SLC7A2: variants seen among roughly 807,000 people sequenced by gnomAD.
SLC7A2 encodes solute carrier family 7 member 2.
SLC7A2 carries 48 observed loss-of-function variants against 58.9 expected under a neutral mutation model. The observed-to-expected ratio is 0.82, with a 90% CI of 0.65 to 1.04. SLC7A2 has a LOEUF of 1.04. Ranked by LOEUF, SLC7A2 falls within the 50% of genes least tolerant of loss-of-function variation. SLC7A2 has a pLI of 0.00. For missense variants in SLC7A2, 1,029 were observed against 818.8 expected (o/e 1.26, Z -3.13); for synonymous variants, 363 against 314.5 (o/e 1.15, Z -1.63).
chr8:17,556,930 C>T (rs1036995402), intron 8 of SLC7A2, among the ~76,000 whole-genome samples: 24 of 152,156 alleles, frequency 1.6e-4, no homozygotes, highest in Middle Eastern at 3.4e-3. Flanking sequence ...AAGTGAGGCA[C>T]GCAGTGTGTT....
chr8:17,541,758 T>C (rs990973702), intron 2 of SLC7A2, among the ~76,000 whole-genome samples: 1 of 152,218 alleles, frequency 6.6e-6, no homozygotes, highest in Non-Finnish European at 1.5e-5. Flanking sequence ...AAATAGGTAT[T>C]AGCAATGTAA....
intron 2 of SLC7A2, among the ~76,000 whole-genome samples, chr8:17,531,127 C>G (rs972833722): frequency 6.6e-6 from 1 of 152,114 alleles, no homozygotes; most frequent in African/African-American, 2.4e-5. Flanking sequence ...AATTCAGAGC[C>G]TAAGATAGGA....
At chr8:17,562,767 A>C (rs1803081082) in intron 11 of SLC7A2, among the ~76,000 whole-genome samples, 1 of 152,236 alleles carries the variant, frequency 6.6e-6, no homozygotes, top group Non-Finnish European at 1.5e-5. Context: ...TAAAGAAGCT[A>C]TAATATCAAA....
At chr8:17,499,254 T>C (rs1585170594) in intron 1 of SLC7A2, 1 of 152,150 alleles carries the variant, frequency 6.6e-6, no homozygotes, top group African/African-American at 2.4e-5. Context: ...TCTTCTCTTG[T>C]TTTATTTTTC....
rs577769559 is a variant in SLC7A2, at chr8:17,554,887, C to A, written c.1195+188C>A. On this transcript the variant is annotated intron_variant, in intron 8 of 12. Coordinates refer to ENST00000494857, the MANE Select transcript of SLC7A2 (RefSeq NM_001370338.1). ...TGTGTCCAGTCTTTACCTGTCTATA[C>A]CTGTCTAGAATAATCCTTAAAATAA... is the stretch of plus-strand genomic sequence containing the variant. 222 of 1,589,240 alleles carry A rather than the reference C, an allele frequency of 1.4e-4. 1 individual carries two copies. The South Asian group carries it at 2.4e-3, about 17-fold the overall frequency.
intron 5 of SLC7A2, 68 bp from the exon 6 acceptor site, chr8:17,550,233 G>A (rs547570544): frequency 6.2e-5 from 93 of 1,491,038 alleles, no homozygotes; most frequent in Non-Finnish European, 8.2e-5. Context: ...GATATAGTCT[G>A]AGAAAAGTCA....
rs867546892 is a variant in SLC7A2 at position 17,521,922 on chromosome 8, G to C, written c.-23+19620G>C. Among the ~76,000 whole-genome samples, 5 of 152,302 alleles carry C rather than the reference G, an allele frequency of 3.3e-5. No individual in the cohort carries two copies. The South Asian group carries it at 1.0e-3, about 32-fold the overall frequency. ...TGTTACCCAGTGGCCAGTGCTTAAAGAAATTGTGTTTGGAAAGTTCTTTTA... is the reference window on the plus strand; with the variant it reads ...TGTTACCCAGTGGCCAGTGCTTAAACAAATTGTGTTTGGAAAGTTCTTTTA... On this transcript the variant is annotated intron_variant, in intron 2 of 12. Transcript: ENST00000494857.
chr8:17,509,853 C>T (rs927408935), intron 2 of SLC7A2, among the ~76,000 whole-genome samples: 3 of 151,980 alleles, frequency 2.0e-5, no homozygotes, highest in African/African-American at 7.3e-5. Flanking sequence ...ATTCTGGGTT[C>T]GGAAGAAGCC....
chr8:17,530,368 C>G (rs1426195113), intron 2 of SLC7A2, among the ~76,000 whole-genome samples: 2 of 152,062 alleles, frequency 1.3e-5, no homozygotes, highest in African/African-American at 2.4e-5. Flanking sequence ...CAGTCAAAAC[C>G]TTTTCACCTT....
chr8:17,528,042 A>G (rs1026417440), intron 2 of SLC7A2, among the ~76,000 whole-genome samples: 4 of 152,146 alleles, frequency 2.6e-5, no homozygotes, highest in African/African-American at 9.7e-5. Flanking sequence ...GGGAAGGAGT[A>G]ACCTTCCAGG....
rs1269793616 is a variant in SLC7A2, at chr8:17,568,255, C to A, written c.*3109C>A. On this transcript the variant is annotated 3_prime_UTR_variant, in exon 13 of 13. Coordinates refer to ENST00000494857, the MANE Select transcript of SLC7A2 (RefSeq NM_001370338.1). ...CAAATTTTATACTCTTAAAAAAAAA[C>A]AATAATTTGTGAATTACCACCAAAA... is the stretch of plus-strand genomic sequence containing the variant. 1.3e-5 allele frequency: 2 copies of A among 151,350 alleles called. No homozygotes were observed. The highest frequency in any genetic ancestry group is 4.9e-5 in the African/African-American group (2 of 41,228). The allele number at this position is 151,350 out of a possible 1,614,324, so 9.4% of individuals were successfully genotyped here.
In SLC7A2 at chr8:17,544,538, G is replaced by C. The variant is rs1802072748; in HGVS notation, c.464G>C (p.Arg155Thr). 1 of 1,613,904 alleles carries C rather than the reference G, an allele frequency of 6.2e-7. No homozygotes were observed. Among genetic ancestry groups the C allele is most frequent in the African/African-American group, 1.3e-5 (1 of 74,902 alleles). ...QIGQFLRTYF[R>T]MNYTGLAEYP... ...GGTCAGTTTTTGAGGACATACTTCA[G>C]AATGAATTACACTGGTCTTGCAGAA... is the stretch of plus-strand genomic sequence containing the variant. Residue 155 changes from arginine (R) to threonine (T), a missense_variant, in exon 4 of 13, where the codon AGA becomes ACA. Arg to Thr is a moderately conservative substitution (Grantham distance 71). Transcript: ENST00000494857.
chr8:17,516,238 T>TAA (rs1450299638), intron 2 of SLC7A2, among the ~76,000 whole-genome samples: 2 of 152,044 alleles, frequency 1.3e-5, no homozygotes, highest in Non-Finnish European at 2.9e-5. Context: ...AATTAATTTT[T>TAA]TTTTTGAGAT....
chr8:17,523,945 C>T lies in SLC7A2; in HGVS notation c.-22-19373C>T, dbSNP rs11984641. On this transcript the variant is annotated intron_variant, in intron 2 of 12. Transcript: ENST00000494857. ...AAAAAATGAAAAAGTAGGCTAAGGACATGAATAGACAATTCTCAAAAGAAG... is the reference window on the plus strand; with the variant it reads ...AAAAAATGAAAAAGTAGGCTAAGGATATGAATAGACAATTCTCAAAAGAAG... Among the ~76,000 whole-genome samples, 1,368 of 151,860 alleles carry T rather than the reference C, an allele frequency of 9.0e-3. 16 individuals carry two copies. The highest frequency in any genetic ancestry group is 0.031 in the African/African-American group (1,303 of 41,428).
Position 17,543,475 on chromosome 8 carries a change from A to G in SLC7A2, c.136A>G (p.Ser46Gly), listed in dbSNP as rs374986070. ...GGACCTCATTGCCCTGGGCGTTGGAAGCACCCTTGGGGCCGGGGTTTATGT... is the reference window on the plus strand; with the variant it reads ...GGACCTCATTGCCCTGGGCGTTGGAGGCACCCTTGGGGCCGGGGTTTATGT... Reference protein sequence around the residue: ...TMDLIALGVGSTLGAGVYVLA... With the variant: ...TMDLIALGVGGTLGAGVYVLA... Residue 46 changes from serine (S) to glycine (G), a missense_variant, in exon 3 of 13, where the codon AGC becomes GGC. Ser to Gly is a moderately conservative substitution (Grantham distance 56, BLOSUM62 0). Transcript: ENST00000494857. 16 of 1,614,010 alleles carry G rather than the reference A, an allele frequency of 9.9e-6. No individual in the cohort carries two copies. In the African/African-American group the frequency reaches 1.9e-4, roughly 19 times the overall value.
intron 7 of SLC7A2, among the ~76,000 whole-genome samples, chr8:17,553,225 A>G (rs983795869): frequency 6.6e-6 from 1 of 151,772 alleles, no homozygotes; most frequent in Non-Finnish European, 1.5e-5. Context: ...TTAATTTTTT[A>G]TTTTCTATAG....
At chr8:17,507,419 G>A (rs867812148) in intron 2 of SLC7A2, among the ~76,000 whole-genome samples, 4 of 151,740 alleles carry the variant, frequency 2.6e-5, no homozygotes, top group Non-Finnish European at 5.9e-5. Flanking sequence ...TCACTGTGTT[G>A]CCCAGGCTGG....
chr8:17,550,349 T>TA lies in SLC7A2; in HGVS notation c.748dup (p.Met250AsnfsTer23). 1.2e-6 allele frequency: 2 copies of TA among 1,614,182 alleles called. No homozygotes were observed. The highest frequency in any genetic ancestry group is 1.7e-6 in the Non-Finnish European group (2 of 1,179,996). ...CAAGTATCTATGGGGCTGGTGGCTTTATGCCTTATGGCTTTACGGGAACGT... is the reference window on the plus strand; with the variant it reads ...CAAGTATCTATGGGGCTGGTGGCTTTAATGCCTTATGGCTTTACGGGAACGT... On this transcript the variant is annotated frameshift_variant, in exon 6 of 13. Transcript: ENST00000494857. LOFTEE classifies it high-confidence loss of function.
At chr8:17,506,434 A>G (rs1800366211) in intron 2 of SLC7A2, among the ~76,000 whole-genome samples, 1 of 152,216 alleles carries the variant, frequency 6.6e-6, no homozygotes, top group Admixed American at 6.5e-5. Context: ...TTTAAAGCGT[A>G]AACTTCACAG....
Sources: gnomAD v4.1 joint callset for allele counts (sites outside exome capture counted in the v4.1 genomes callset) on GRCh38, gnomAD v4.1.1 for gene constraint, MANE v1.5 for transcripts, NCBI Gene and HGNC (gene_info 2026-07-23, HGNC 2026-07-21) for gene names.